Variants in SLC39A9 observed in about 807,000 individuals in gnomAD.
The protein encoded by SLC39A9 is solute carrier family 39 member 9.
In SLC39A9, 14 loss-of-function variants were observed where a neutral mutation model predicts 28.4. The observed-to-expected ratio is 0.49, with a 90% CI of 0.33 to 0.77. The LOEUF (loss-of-function observed/expected upper bound fraction) is 0.77. Ranked by LOEUF, SLC39A9 falls within the 30% of genes least tolerant of loss-of-function variation. SLC39A9 has a pLI of 0.02. For missense variants in SLC39A9, 283 were observed against 381.1 expected (o/e 0.74, Z 2.14); for synonymous variants, 119 against 149.6 (o/e 0.80, Z 1.49).
At chr14:69,402,141 C>A (rs1882671455) in intron 1 of SLC39A9, among the ~76,000 whole-genome samples, 1 of 151,826 alleles carries the variant, frequency 6.6e-6, no homozygotes, top group African/African-American at 2.4e-5. Context: ...GGTGTCCAAT[C>A]TTTTGGCTTC....
At chr14:69,413,601 A>G (rs1451565944) in intron 1 of SLC39A9, among the ~76,000 whole-genome samples, 1 of 152,134 alleles carries the variant, frequency 6.6e-6, no homozygotes, top group African/African-American at 2.4e-5. Context: ...ATGAACCATT[A>G]GAAACTGTCA....
At chr14:69,426,650 A>G (rs1393799378) in intron 2 of SLC39A9, among the ~76,000 whole-genome samples, 1 of 152,214 alleles carries the variant, frequency 6.6e-6, no homozygotes, top group Non-Finnish European at 1.5e-5. Context: ...CCAAGGGTTT[A>G]GGATCGTACC....
chr14:69,407,504 A>C (rs1217995687), intron 1 of SLC39A9, among the ~76,000 whole-genome samples: 1 of 144,312 alleles, frequency 6.9e-6, no homozygotes, highest in African/African-American at 2.6e-5. Flanking sequence ...CGCCCCACTA[A>C]TTTTGTATTT....
chr14:69,439,902 T>G (rs1884958976), intron 2 of SLC39A9, among the ~76,000 whole-genome samples: 1 of 152,108 alleles, frequency 6.6e-6, no homozygotes, highest in Admixed American at 6.6e-5. Flanking sequence ...TAAACCTTAA[T>G]AGAACGATCC....
intron 2 of SLC39A9, among the ~76,000 whole-genome samples, chr14:69,430,144 G>C (rs930855889): frequency 6.6e-6 from 1 of 151,966 alleles, no homozygotes; most frequent in African/African-American, 2.4e-5. Context: ...CTAGTTCATG[G>C]CTTATCTTTT....
intron 3 of SLC39A9, among the ~76,000 whole-genome samples, chr14:69,447,988 G>A (rs1209672426): frequency 2.0e-5 from 3 of 151,330 alleles, no homozygotes; most frequent in African/African-American, 4.9e-5. Flanking sequence ...GCCGAGGCAG[G>A]TGGATCACAA....
At chr14:69,423,428 G>T in intron 1 of SLC39A9, among the ~76,000 whole-genome samples, 1 of 152,122 alleles carries the variant, frequency 6.6e-6, no homozygotes, top group East Asian at 1.9e-4. Flanking sequence ...TGAATTTCTA[G>T]AAGTAAAATT....
At chr14:69,400,707 A>G (rs1249432104) in intron 1 of SLC39A9, among the ~76,000 whole-genome samples, 1 of 152,222 alleles carries the variant, frequency 6.6e-6, no homozygotes, top group Non-Finnish European at 1.5e-5. Context: ...AAGGTGGGAC[A>G]AGGTGTTGTC....
intron 2 of SLC39A9, among the ~76,000 whole-genome samples, chr14:69,439,698 G>T (rs1884950397): frequency 6.6e-6 from 1 of 152,124 alleles, no homozygotes; most frequent in Non-Finnish European, 1.5e-5. Flanking sequence ...ACATATTGGT[G>T]CTATCCCCTT....
At chr14:69,441,715 A>C (rs1038822556) in intron 2 of SLC39A9, 1 of 776,680 alleles carries the variant, frequency 1.3e-6, no homozygotes, top group South Asian at 5.6e-5. Context: ...TCAGAAAAAA[A>C]CAGTGTATTT....
At chr14:69,426,567 A>G (rs1884203217) in intron 2 of SLC39A9, among the ~76,000 whole-genome samples, 1 of 152,100 alleles carries the variant, frequency 6.6e-6, no homozygotes, top group Non-Finnish European at 1.5e-5. Context: ...ATATATGTTC[A>G]GCTAGCCAGA....
Position 69,458,922 on chromosome 14 carries a change from A to G in SLC39A9, c.*329A>G, listed in dbSNP as rs1007582280. 8.5e-6 allele frequency: 9 copies of G among 1,053,246 alleles called. No homozygotes were observed. Among genetic ancestry groups the G allele is most frequent in the Non-Finnish European group, 5.7e-6 (5 of 872,302 alleles). The allele number at this position is 1,053,246 out of a possible 1,614,324, so 65.2% of individuals were successfully genotyped here. ...GAAAAGAGGAGAACTTCATACTCAC[A>G]ATGAAATAGTGATTATGAAAATACA... On this transcript the variant is annotated 3_prime_UTR_variant, in exon 7 of 7. Coordinates refer to ENST00000336643, the MANE Select transcript of SLC39A9 (RefSeq NM_018375.5).
At chr14:69,453,385 C>A in intron 4 of SLC39A9, 76 bp downstream of exon 4, 1 of 1,385,218 alleles carries the variant, frequency 7.2e-7, no homozygotes, top group Non-Finnish European at 1.0e-6. Flanking sequence ...TTTCAGGGAC[C>A]GTCCTCATTG....
intron 5 of SLC39A9, 145 bp from the exon 6 acceptor site, chr14:69,455,587 T>C: frequency 2.7e-6 from 3 of 1,095,762 alleles, no homozygotes; most frequent in Non-Finnish European, 3.9e-6. Context: ...CCCAAAGTGC[T>C]AGGATTACAG....
At chr14:69,439,890 A>G (rs1251852561) in intron 2 of SLC39A9, among the ~76,000 whole-genome samples, 1 of 152,182 alleles carries the variant, frequency 6.6e-6, no homozygotes, top group Non-Finnish European at 1.5e-5. Context: ...CTGTAAGCCA[A>G]ATAAACCTTA....
chr14:69,458,148 A>T (rs1197476349), intron 6 of SLC39A9, among the ~76,000 whole-genome samples: 1 of 152,216 alleles, frequency 6.6e-6, no homozygotes, highest in Admixed American at 6.5e-5. Context: ...TTTACAATAA[A>T]TTTTTTAAAA....
At chr14:69,400,577 A>G (rs967112976) in intron 1 of SLC39A9, among the ~76,000 whole-genome samples, 1 of 152,236 alleles carries the variant, frequency 6.6e-6, no homozygotes, top group Non-Finnish European at 1.5e-5. Flanking sequence ...CATTCCTGAA[A>G]GTACTTTCAA....
intron 1 of SLC39A9, among the ~76,000 whole-genome samples, chr14:69,403,064 A>G (rs1203515994): frequency 6.6e-6 from 1 of 152,168 alleles, no homozygotes; most frequent in Non-Finnish European, 1.5e-5. Flanking sequence ...CTGGGGAACA[A>G]GAGCAAAACT....
At position 69,421,424 on chromosome 14, in the gene SLC39A9, G is replaced by A. The variant is rs377667505; in HGVS notation, c.97-2670G>A. On this transcript the variant is annotated intron_variant, in intron 1 of 6. Coordinates refer to ENST00000336643, the MANE Select transcript of SLC39A9 (RefSeq NM_018375.5). The stretch of plus-strand genomic sequence containing the variant: ...TATGAGTTGTCAGTCGGCACCTACC[G>A]GGAGGTATCTCCCACTTAGGCTACA... 5.0e-4 allele frequency among the ~76,000 whole-genome samples: 76 copies of A among 152,312 alleles called. 1 individual carries two copies. In the East Asian group the frequency reaches 6.2e-3, roughly 12 times the overall value.
Sources: allele counts gnomAD v4.1 joint callset (sites outside exome capture counted in the v4.1 genomes callset), GRCh38; gene constraint gnomAD v4.1.1; transcripts MANE v1.5; gene names NCBI Gene and HGNC (gene_info 2026-07-23, HGNC 2026-07-21).